Variants in TMTC1 observed in about 807,000 individuals in gnomAD.
TMTC1 encodes the protein transmembrane O-mannosyltransferase targeting cadherins 1, also known as protein O-mannosyl-transferase TMTC1.
A neutral mutation model predicts 104.8 loss-of-function variants in TMTC1; 73 were observed. The observed-to-expected ratio is 0.70, with a 90% CI of 0.58 to 0.85. The LOEUF is 0.85. Ranked by LOEUF, TMTC1 falls within the 40% of genes least tolerant of loss-of-function variation. The pLI, the probability that TMTC1 is intolerant of heterozygous loss-of-function variation, is 0.00. For missense variants in TMTC1, 1,035 were observed against 1,096.1 expected (o/e 0.94, Z 0.79); for synonymous variants, 434 against 428.7 (o/e 1.01, Z -0.15).
At chr12:29,656,924 C>G (rs1730712158) in intron 5 of TMTC1, among the ~76,000 whole-genome samples, 1 of 152,156 alleles carries the variant, frequency 6.6e-6, no homozygotes, top group Non-Finnish European at 1.5e-5. Context: ...GATGTTACAG[C>G]TAGGACAGCT....
intron 5 of TMTC1, 59 bp downstream of exon 5, chr12:29,751,607 T>C: frequency 6.3e-7 from 1 of 1,584,506 alleles, no homozygotes. Context: ...CATCCCAGGC[T>C]GCACTAGGTG....
chr12:29,668,453 T>C (rs1005935070), intron 5 of TMTC1, among the ~76,000 whole-genome samples: 1 of 122,066 alleles, frequency 8.2e-6, no homozygotes, highest in Non-Finnish European at 1.6e-5. Flanking sequence ...TACCAACTTA[T>C]CTTTTTTTTT....
At chr12:29,625,953 T>C (rs1161027508) in intron 6 of TMTC1, among the ~76,000 whole-genome samples, 1 of 152,220 alleles carries the variant, frequency 6.6e-6, no homozygotes, top group Non-Finnish European at 1.5e-5. Context: ...ACAAACCTCA[T>C]ATTCACCCCT....
chr12:29,714,612 A>G (rs1486184646), intron 5 of TMTC1, among the ~76,000 whole-genome samples: 1 of 152,202 alleles, frequency 6.6e-6, no homozygotes, highest in Non-Finnish European at 1.5e-5. Context: ...GTTACTATAA[A>G]AATAGTTTTT....
chr12:29,521,416 T>C (rs1401830523), intron 11 of TMTC1, among the ~76,000 whole-genome samples: 1 of 152,182 alleles, frequency 6.6e-6, no homozygotes, highest in African/African-American at 2.4e-5. Flanking sequence ...ACCTCCAACC[T>C]GTGTGGCAAG....
intron 5 of TMTC1, among the ~76,000 whole-genome samples, chr12:29,646,787 C>T (rs1009628750): frequency 2.0e-5 from 3 of 152,170 alleles, no homozygotes; most frequent in African/African-American, 7.2e-5. Flanking sequence ...AACTCTTCAG[C>T]TACCGGGGAC....
chr12:29,737,535 A>G (rs922572769), intron 5 of TMTC1, among the ~76,000 whole-genome samples: 2 of 152,114 alleles, frequency 1.3e-5, no homozygotes, highest in Non-Finnish European at 2.9e-5. Context: ...AATAAAAATA[A>G]AAAAAGGGCG....
At chr12:29,653,184 A>G (rs2136609275) in intron 5 of TMTC1, among the ~76,000 whole-genome samples, 1 of 152,202 alleles carries the variant, frequency 6.6e-6, no homozygotes, top group East Asian at 1.9e-4. Context: ...GACCTTGTAA[A>G]TATCAAGCCA....
At chr12:29,645,217 CTACAACCCAA>C (rs1227224065) in intron 5 of TMTC1, among the ~76,000 whole-genome samples, 1 of 152,180 alleles carries the variant, frequency 6.6e-6, no homozygotes, top group African/African-American at 2.4e-5. Context: ...ATATACTTTT[CTACAACCCAA>C]TAAAAGATAT....
chr12:29,633,185 T>A lies in TMTC1; in HGVS notation c.1090A>T (p.Met364Leu). The A allele has an allele frequency of 6.2e-7, 1 of 1,614,044 alleles. No individual in the cohort carries two copies. The highest frequency in any genetic ancestry group is 8.5e-7 in the Non-Finnish European group (1 of 1,179,956). ...AAGCAGTGCAGGCTCAATAAGGCCA[T>A]CACAACCGCCAGAAAGATGGTGGCT... is the stretch of plus-strand genomic sequence containing the variant. ...NLATIFLAVVMALLSLHCLAA... is the reference protein window; with the variant it reads ...NLATIFLAVVLALLSLHCLAA... The change falls in exon 6 of 18, where the codon ATG becomes TTG. Residue 364 changes from methionine to leucine, a missense_variant. Met to Leu is a conservative substitution (Grantham distance 15). Coordinates refer to ENST00000539277, the MANE Select transcript of TMTC1 (RefSeq NM_001193451.2).
At chr12:29,522,820 A>G (rs1285080044) in intron 11 of TMTC1, among the ~76,000 whole-genome samples, 1 of 152,164 alleles carries the variant, frequency 6.6e-6, no homozygotes, top group East Asian at 1.9e-4. Flanking sequence ...CATGTGCCCC[A>G]ACTGTAAATC....
intron 5 of TMTC1, chr12:29,666,164 C>T: frequency 6.9e-6 from 3 of 431,908 alleles, no homozygotes; most frequent in South Asian, 3.4e-5. Context: ...TCAATAAATG[C>T]TTACTGAGCC....
intron 2 of TMTC1, among the ~76,000 whole-genome samples, chr12:29,762,524 TGTTA>T (rs1268545419): frequency 4.6e-5 from 7 of 152,254 alleles, no homozygotes; most frequent in Non-Finnish European, 8.8e-5. Context: ...CTAATGTATC[TGTTA>T]GTTAAAATCT....
chr12:29,541,893 G>A (rs985364848), intron 10 of TMTC1, among the ~76,000 whole-genome samples: 7 of 151,942 alleles, frequency 4.6e-5, no homozygotes, highest in African/African-American at 1.7e-4. Flanking sequence ...TCTTGACCTC[G>A]TGATCCGCCT....
intron 10 of TMTC1, among the ~76,000 whole-genome samples, chr12:29,550,933 C>CAAAAAAAAAAAAAAAAAAAAAA (rs200605964): frequency 9.2e-6 from 1 of 108,334 alleles, no homozygotes; most frequent in African/African-American, 4.0e-5. Context: ...GACTCCATCT[C>CAAAAAAAAAAAAAAAAAAAAAA]AAAAAAAAAA....
chr12:29,660,529 C>A (rs1484203109), intron 5 of TMTC1, among the ~76,000 whole-genome samples: 1 of 152,148 alleles, frequency 6.6e-6, no homozygotes, highest in Non-Finnish European at 1.5e-5. Context: ...CCTCTTGAGA[C>A]AACTCAGCCT....
At chr12:29,719,504 C>T (rs1942176260) in intron 5 of TMTC1, among the ~76,000 whole-genome samples, 1 of 152,170 alleles carries the variant, frequency 6.6e-6, no homozygotes, top group Non-Finnish European at 1.5e-5. Flanking sequence ...CTCAAGGGAA[C>T]TCTTTCCCCT....
At chr12:29,669,631 A>T (rs1940428595) in intron 5 of TMTC1, among the ~76,000 whole-genome samples, 1 of 152,184 alleles carries the variant, frequency 6.6e-6, no homozygotes. Context: ...AAGTGAGAAA[A>T]GCATGTGTTA....
intron 1 of TMTC1, 98 bp from the exon 2 acceptor site, chr12:29,768,173 T>C: frequency 1.1e-6 from 1 of 910,916 alleles, no homozygotes; most frequent in Non-Finnish European, 1.6e-6. Flanking sequence ...AAAGATAAGC[T>C]ATTAGATTAA....
Sources: allele counts gnomAD v4.1 joint callset (sites outside exome capture counted in the v4.1 genomes callset), GRCh38; gene constraint gnomAD v4.1.1; transcripts MANE v1.5; gene names NCBI Gene and HGNC (gene_info 2026-07-23, HGNC 2026-07-21).